Variants in FBXO32 observed in about 807,000 individuals in gnomAD.
FBXO32 encodes the protein F-box only protein 32.
A neutral mutation model predicts 48.3 loss-of-function variants in FBXO32; 15 were observed. The ratio of observed to expected loss-of-function variants is 0.31; its 90% CI spans 0.21 to 0.48. The LOEUF (loss-of-function observed/expected upper bound fraction) is 0.48. Among genes scored for constraint, FBXO32 ranks in the 20% least tolerant of loss-of-function variants. FBXO32 has a pLI of 0.99. For missense variants in FBXO32, 309 were observed against 432.7 expected, an observed-to-expected ratio of 0.71 and a Z score of 2.54; for synonymous variants, 154 against 165.9, an observed-to-expected ratio of 0.93 and a Z score of 0.55.
At chr8:123,522,657 C>T (rs1225816524) in intron 4 of FBXO32, among the ~76,000 whole-genome samples, 2 of 152,208 alleles carry the variant, frequency 1.3e-5, no homozygotes, top group African/African-American at 4.8e-5. Flanking sequence ...CTGAATGTCA[C>T]ATCGCCATTG....
rs555695130 is a variant in FBXO32, at chr8:123,521,214, T to TACCCCCAGCTTGGC, written c.373-6895_373-6882dup. ...GCAAGTGTTGTCCTGTTTCCCACTC[T>TACCCCCAGCTTGGC]ACCCCCAGCTTGGCACATGGTAAGC... On this transcript the variant is annotated intron_variant, in intron 4 of 8. Transcript: ENST00000517956. 3.7e-3 allele frequency among the ~76,000 whole-genome samples: 561 copies of TACCCCCAGCTTGGC among 152,380 alleles called. 3 individuals carry two copies. Among genetic ancestry groups the TACCCCCAGCTTGGC allele is most frequent in the African/African-American group, 0.013 (538 of 41,588 alleles).
chr8:123,519,375 C>A (rs1009257369), intron 4 of FBXO32, among the ~76,000 whole-genome samples: 2 of 151,268 alleles, frequency 1.3e-5, no homozygotes, highest in Non-Finnish European at 2.9e-5. Flanking sequence ...AATGGTGAAA[C>A]CCCATCTCTA....
chr8:123,528,548 G>T (rs1478730338), intron 4 of FBXO32, among the ~76,000 whole-genome samples: 1 of 152,190 alleles, frequency 6.6e-6, no homozygotes, highest in Non-Finnish European at 1.5e-5. Flanking sequence ...TTATGTCATT[G>T]GGGCTGTGTA....
intron 1 of FBXO32, among the ~76,000 whole-genome samples, chr8:123,536,951 G>A (rs1042854057): frequency 6.6e-6 from 1 of 152,188 alleles, no homozygotes; most frequent in Non-Finnish European, 1.5e-5. Context: ...CATAATTGAT[G>A]ATGTTCTCTC....
At chr8:123,523,623 CAACAAA>C (rs1307460469) in intron 4 of FBXO32, among the ~76,000 whole-genome samples, 1 of 144,256 alleles carries the variant, frequency 6.9e-6, no homozygotes, top group Non-Finnish European at 1.5e-5. Flanking sequence ...ACAACAACAA[CAACAAA>C]CAAACAAAAA....
intron 1 of FBXO32, among the ~76,000 whole-genome samples, chr8:123,536,238 C>A (rs1406785071): frequency 6.6e-6 from 1 of 152,138 alleles, no homozygotes; most frequent in Non-Finnish European, 1.5e-5. Flanking sequence ...AACTCAATAG[C>A]TTTCTCCTTT....
rs1218497607 is a variant in FBXO32, at chr8:123,533,205, C to T, written c.265G>A (p.Gly89Arg). ...HQEKWIYVHK[G>R]STKERHGYCT... Reference sequence around the variant, plus strand: ...GGGATGCTCACCTCTTTAGTACTTCCTTTGTGAACATAGATCCATTTTTCT... The same window carrying T: ...GGGATGCTCACCTCTTTAGTACTTCTTTTGTGAACATAGATCCATTTTTCT... Residue 89 changes from glycine to arginine, a missense_variant, in exon 3 of 9, where the codon GGA (glycine) becomes AGA (arginine). Gly to Arg is a moderately radical substitution (Grantham distance 125). Coordinates refer to ENST00000517956, the MANE Select transcript of FBXO32 (RefSeq NM_058229.4). 1 of 1,613,098 alleles carries T rather than the reference C, an allele frequency of 6.2e-7. No homozygotes were observed. The highest frequency in any genetic ancestry group is 8.5e-7 in the Non-Finnish European group (1 of 1,179,176).
chr8:123,515,073 T>C (rs1272875809), intron 4 of FBXO32, among the ~76,000 whole-genome samples: 1 of 152,214 alleles, frequency 6.6e-6, no homozygotes, highest in Non-Finnish European at 1.5e-5. Flanking sequence ...AGTTTGTTCA[T>C]CTATACTAAT....
chr8:123,524,582 T>C (rs2385291), intron 4 of FBXO32, among the ~76,000 whole-genome samples: 54,476 of 151,974 alleles, frequency 0.36, 10,942 homozygotes, highest in East Asian at 0.6. Flanking sequence ...GTTACCCAGG[T>C]TGCAGGATGG....
intron 1 of FBXO32, among the ~76,000 whole-genome samples, chr8:123,536,367 CAT>C (rs1156277123): frequency 1.3e-5 from 2 of 152,154 alleles, no homozygotes; most frequent in South Asian, 2.1e-4. Flanking sequence ...TTGTACAACA[CAT>C]GAGTGTGTTT....
intron 6 of FBXO32, among the ~76,000 whole-genome samples, chr8:123,507,011 C>G (rs1387449069): frequency 2.0e-5 from 3 of 152,164 alleles, no homozygotes; most frequent in Non-Finnish European, 4.4e-5. Context: ...TCACTGGCAC[C>G]TAAACACACC....
intron 4 of FBXO32, among the ~76,000 whole-genome samples, chr8:123,523,664 G>A (rs1817012112): frequency 6.6e-6 from 1 of 152,002 alleles, no homozygotes; most frequent in African/African-American, 2.4e-5. Context: ...CTGCTGGGAT[G>A]CTGGTGGTAT....
chr8:123,532,135 C>A, intron 3 of FBXO32, 145 bp from the exon 4 acceptor site: 1 of 1,437,450 alleles, frequency 7.0e-7, no homozygotes, highest in Non-Finnish European at 9.1e-7. Flanking sequence ...TGGCTTCTTT[C>A]CTGTACCCAC....
At chr8:123,539,745 C>G (rs893105115) in intron 1 of FBXO32, among the ~76,000 whole-genome samples, 1 of 152,200 alleles carries the variant, frequency 6.6e-6, no homozygotes, top group Non-Finnish European at 1.5e-5. Context: ...ATGCTTCATC[C>G]AAGCAACGAC....
chr8:123,506,686 G>T lies in FBXO32; in HGVS notation c.652-112C>A. On this transcript the variant is annotated intron_variant, in intron 6 of 8. Transcript: ENST00000517956. The surrounding 1 kb of genome is among the most constrained non-coding windows in gnomAD (Gnocchi z 4.0). Reference sequence around the variant, plus strand: ...TCCTCCACCCTCAAGGCAGTTTATTGATAAGAGGTCGAAAGCAGTAGTAAA... The same window carrying T: ...TCCTCCACCCTCAAGGCAGTTTATTTATAAGAGGTCGAAAGCAGTAGTAAA... 1 of 877,718 alleles carries T rather than the reference G, an allele frequency of 1.1e-6. No homozygotes were observed. The highest frequency in any genetic ancestry group is 1.8e-6 in the Non-Finnish European group (1 of 567,186). The allele number at this position is 877,718 out of a possible 1,614,324, so 54.4% of individuals were successfully genotyped here. A position where few individuals can be genotyped will look rare whatever the true frequency, so the allele number is the denominator to read the frequency against.
chr8:123,534,173 C>G (rs1023796412), intron 2 of FBXO32, among the ~76,000 whole-genome samples: 1 of 149,266 alleles, frequency 6.7e-6, no homozygotes, highest in Non-Finnish European at 1.5e-5. Context: ...ATTTTAAATG[C>G]CAAACCTGAA....
chr8:123,532,975 T>A (rs1817239718), intron 3 of FBXO32, among the ~76,000 whole-genome samples: 2 of 152,232 alleles, frequency 1.3e-5, no homozygotes, highest in South Asian at 4.1e-4. Flanking sequence ...CATAATCTCA[T>A]TGAACGACTA....
At chr8:123,504,083 CAA>C (rs34656669) in intron 8 of FBXO32, among the ~76,000 whole-genome samples, 5,698 of 88,280 alleles carry the variant, frequency 0.065, 291 homozygotes, top group African/African-American at 0.19. Flanking sequence ...GACTCCGTCT[CAA>C]AAAAAAAAAA....
chr8:123,506,532 G>T lies in FBXO32; in HGVS notation c.694C>A (p.Leu232Ile). The T allele has an allele frequency of 6.2e-7, 1 of 1,609,504 alleles. No individual in the cohort carries two copies. The highest frequency in any genetic ancestry group is 8.5e-7 in the Non-Finnish European group (1 of 1,176,468). ...AGCCTCTGCATGATGTTCAGTTGTA[G>T]GCACAAAGGCAGGTCAGTGAAGGTG... is the stretch of plus-strand genomic sequence containing the variant. Reference protein sequence around the residue: ...GLTFTDLPLCLQLNIMQRLSD... With the variant: ...GLTFTDLPLCIQLNIMQRLSD... The change falls in exon 7 of 9, where the codon CTA (leucine) becomes ATA (isoleucine). Residue 232 changes from leucine (L) to isoleucine (I), a missense_variant. Leu to Ile is a conservative substitution (Grantham distance 5). Transcript: ENST00000517956. The surrounding 1 kb of genome is among the most constrained non-coding windows in gnomAD (Gnocchi z 4.0).
Sources: allele counts gnomAD v4.1 joint callset (sites outside exome capture counted in the v4.1 genomes callset), GRCh38; gene constraint gnomAD v4.1.1; non-coding constraint Gnocchi (gnomAD v3.1); transcripts MANE v1.5; gene names NCBI Gene and HGNC (gene_info 2026-07-23, HGNC 2026-07-21).